SCAPER: variants seen among roughly 807,000 people sequenced by gnomAD.
The protein encoded by SCAPER is S-phase cyclin A associated protein in the ER, also known as S phase cyclin A-associated protein in the endoplasmic reticulum.
A neutral mutation model predicts 182.2 loss-of-function variants in SCAPER; 98 were observed. The ratio of observed to expected loss-of-function variants is 0.54; its 90% CI spans 0.46 to 0.64. The LOEUF (loss-of-function observed/expected upper bound fraction) is 0.64, where lower values mean the gene tolerates loss of function less well. SCAPER is among the 30% of genes least tolerant of loss of function. SCAPER has a pLI of 0.00. For synonymous variants in SCAPER, 605 were observed against 564.6 expected (o/e 1.07, Z -1.01); for missense variants, 1,432 against 1,690.0 (o/e 0.85, Z 2.68).
chr15:76,457,374 T>G (rs1470205634), intron 25 of SCAPER, among the ~76,000 whole-genome samples: 4 of 152,230 alleles, frequency 2.6e-5, no homozygotes, highest in Non-Finnish European at 5.9e-5. Context: ...GCTTTATACA[T>G]TTAATTATTG....
At chr15:76,897,721 T>C (rs991693250) in intron 1 of SCAPER, among the ~76,000 whole-genome samples, 1 of 152,076 alleles carries the variant, frequency 6.6e-6, no homozygotes, top group Non-Finnish European at 1.5e-5. Flanking sequence ...AGAAAAAGAC[T>C]GAATTATTAT....
intron 25 of SCAPER, chr15:76,470,986 C>T (rs1327387319): frequency 3.1e-6 from 1 of 325,160 alleles, no homozygotes; most frequent in East Asian, 6.6e-5. Context: ...AGTCTATTAT[C>T]CATTAAATAT....
chr15:76,719,891 T>C (rs1178800792), intron 17 of SCAPER, among the ~76,000 whole-genome samples: 1 of 152,084 alleles, frequency 6.6e-6, no homozygotes, highest in Non-Finnish European at 1.5e-5. Flanking sequence ...ACAGAATTTA[T>C]TGTGGTTGCT....
At position 76,613,737 on chromosome 15, in the gene SCAPER, C is replaced by T. The variant is rs571710475; in HGVS notation, c.2711+8027G>A. 4.6e-5 allele frequency among the ~76,000 whole-genome samples: 7 copies of T among 152,090 alleles called. No individual in the cohort carries two copies. In the East Asian group the frequency reaches 5.8e-4, roughly 13 times the overall value. On this transcript the variant is annotated intron_variant, in intron 22 of 31. Coordinates refer to ENST00000563290, the MANE Select transcript of SCAPER (RefSeq NM_020843.4). ...CATGTCATACCAGTTAAAATGGCTACGATTTAAAAGTCAAAAAATCACAGA... is the reference window on the plus strand; with the variant it reads ...CATGTCATACCAGTTAAAATGGCTATGATTTAAAAGTCAAAAAATCACAGA...
chr15:76,682,697 C>T (rs900447521), intron 20 of SCAPER, among the ~76,000 whole-genome samples: 1 of 152,096 alleles, frequency 6.6e-6, no homozygotes, highest in African/African-American at 2.4e-5. Context: ...TCAGCCCCTC[C>T]AGGAAAGCAG....
At chr15:76,542,480 G>A (rs538787199) in intron 23 of SCAPER, among the ~76,000 whole-genome samples, 57 of 151,760 alleles carry the variant, frequency 3.8e-4, no homozygotes, top group Non-Finnish European at 7.4e-4. Flanking sequence ...CTGAGATCAC[G>A]TCACTGAACT....
chr15:76,599,077 A>G (rs1330164203), intron 22 of SCAPER, among the ~76,000 whole-genome samples: 1 of 121,094 alleles, frequency 8.3e-6, no homozygotes, highest in Non-Finnish European at 2.0e-5. Flanking sequence ...TTCAATAATA[A>G]AAAAAGATAA....
At chr15:76,729,675 T>G (rs2060804208) in intron 16 of SCAPER, among the ~76,000 whole-genome samples, 1 of 152,154 alleles carries the variant, frequency 6.6e-6, no homozygotes, top group Admixed American at 6.6e-5. Flanking sequence ...TGCCTTACTT[T>G]TCTAGAAGAT....
intron 24 of SCAPER, among the ~76,000 whole-genome samples, chr15:76,501,863 A>C (rs911709083): frequency 6.6e-6 from 1 of 152,256 alleles, no homozygotes; most frequent in Non-Finnish European, 1.5e-5. Context: ...ACTGGAAGGA[A>C]AATGAGAAAG....
At chr15:76,620,146 A>T (rs2051890220) in intron 22 of SCAPER, among the ~76,000 whole-genome samples, 1 of 152,150 alleles carries the variant, frequency 6.6e-6, no homozygotes, top group South Asian at 2.1e-4. Flanking sequence ...AAATATATTT[A>T]TATTTTCTAA....
chr15:76,877,519 G>A (rs1196813387), intron 2 of SCAPER, among the ~76,000 whole-genome samples: 6 of 152,092 alleles, frequency 3.9e-5, no homozygotes, highest in African/African-American at 7.2e-5. Flanking sequence ...AAGTAGAAAA[G>A]CTTGACACTA....
At chr15:76,585,295 C>T (rs1429063280) in intron 22 of SCAPER, among the ~76,000 whole-genome samples, 1 of 151,884 alleles carries the variant, frequency 6.6e-6, no homozygotes, top group Admixed American at 6.6e-5. Context: ...GATAGTATGT[C>T]TCAATCTAAC....
intron 21 of SCAPER, among the ~76,000 whole-genome samples, chr15:76,651,107 G>A (rs1351878219): frequency 6.6e-6 from 1 of 151,466 alleles, no homozygotes; most frequent in East Asian, 1.9e-4. Context: ...AAGAAATCAG[G>A]GGAAAAGAAA....
intron 5 of SCAPER, among the ~76,000 whole-genome samples, chr15:76,840,496 T>C (rs964714615): frequency 6.6e-6 from 1 of 152,172 alleles, no homozygotes; most frequent in Non-Finnish European, 1.5e-5. Flanking sequence ...TATATTTAGA[T>C]GGTTTCAACT....
intron 5 of SCAPER, among the ~76,000 whole-genome samples, chr15:76,837,103 C>A (rs766349382): frequency 2.0e-5 from 3 of 152,150 alleles, no homozygotes; most frequent in African/African-American, 4.8e-5. Context: ...AGTAAACAGA[C>A]AACCCACAAG....
intron 22 of SCAPER, among the ~76,000 whole-genome samples, chr15:76,618,545 G>C (rs1057508562): frequency 6.6e-6 from 1 of 151,938 alleles, no homozygotes; most frequent in Non-Finnish European, 1.5e-5. Flanking sequence ...AGTATGATTT[G>C]TCTTTCCATT....
chr15:76,593,558 C>T lies in SCAPER; in HGVS notation c.2712-19274G>A, dbSNP rs372669875. Among the ~76,000 whole-genome samples, 7 of 121,268 alleles carry T rather than the reference C, an allele frequency of 5.8e-5. 1 individual carries two copies. In the South Asian group the frequency reaches 1.5e-3, roughly 27 times the overall value. 79.6% of individuals were successfully genotyped at this position (121,268 alleles called of 152,430 possible). ...CCTCCCAGCAAGGGGTCAACAAACACCTCATACGGGAGAGCTCTGGCTGGG... is the reference window on the plus strand; with the variant it reads ...CCTCCCAGCAAGGGGTCAACAAACATCTCATACGGGAGAGCTCTGGCTGGG... On this transcript the variant is annotated intron_variant, in intron 22 of 31. Transcript: ENST00000563290.
intron 20 of SCAPER, among the ~76,000 whole-genome samples, chr15:76,688,218 T>C (rs372943911): frequency 3.2e-4 from 49 of 152,334 alleles, no homozygotes; most frequent in African/African-American, 1.1e-3. Context: ...CATATGTTTG[T>C]TGGCTGCATA....
chr15:76,623,978 T>C (rs2052345935), intron 21 of SCAPER, among the ~76,000 whole-genome samples: 1 of 152,148 alleles, frequency 6.6e-6, no homozygotes, highest in Admixed American at 6.5e-5. Context: ...CTGGAAGCAT[T>C]TCCCTGAAGA....
Sources: allele counts gnomAD v4.1 joint callset (sites outside exome capture counted in the v4.1 genomes callset), GRCh38; gene constraint gnomAD v4.1.1; transcripts MANE v1.5; gene names NCBI Gene and HGNC (gene_info 2026-07-23, HGNC 2026-07-21).